Variants in ATF6 observed in about 807,000 individuals in gnomAD.
ATF6 encodes cyclic AMP-dependent transcription factor ATF-6 alpha.
In ATF6, 53 loss-of-function variants were observed where a neutral mutation model predicts 83.6. That is an observed-to-expected ratio of 0.63 (90% CI 0.51 to 0.80). The LOEUF is 0.80. ATF6 is among the 30% of genes least tolerant of loss of function. The probability of loss-of-function intolerance (pLI) is 0.00; values close to 1 mark genes in which losing one functional copy is unlikely to be tolerated. For synonymous variants in ATF6, 288 were observed against 285.8 expected (o/e 1.01, Z -0.08); for missense variants, 744 against 797.9 (o/e 0.93, Z 0.81).
At position 161,802,657 on chromosome 1, in the gene ATF6, A is replaced by G. The variant is rs149962311; in HGVS notation, c.909+385A>G. On this transcript the variant is annotated intron_variant, in intron 7 of 15. Transcript: ENST00000367942. The stretch of plus-strand genomic sequence containing the variant: ...AATGTTTTAGCGATCTTCAGATAAG[A>G]GTCTATAGATTACTTTTTAGGTAGG... Among the ~76,000 whole-genome samples, 12 of 152,120 alleles carry G rather than the reference A, an allele frequency of 7.9e-5. No individual in the cohort carries two copies. In the East Asian group the frequency reaches 1.7e-3, roughly 22 times the overall value.
intron 6 of ATF6, among the ~76,000 whole-genome samples, chr1:161,794,000 G>A (rs1362423639): frequency 2.0e-5 from 3 of 152,092 alleles, no homozygotes; most frequent in Non-Finnish European, 2.9e-5. Flanking sequence ...TCCACCTCCT[G>A]GGTTCAAGTG....
At chr1:161,788,595 G>T (rs540920974) in intron 4 of ATF6, among the ~76,000 whole-genome samples, 38 of 150,612 alleles carry the variant, frequency 2.5e-4, no homozygotes, top group African/African-American at 7.1e-4. Context: ...TTCCTTTATG[G>T]CTTATTTAAG....
chr1:161,912,700 G>T (rs2101889017), intron 15 of ATF6, among the ~76,000 whole-genome samples: 1 of 152,256 alleles, frequency 6.6e-6, no homozygotes, highest in South Asian at 2.1e-4. Context: ...TGTTCTGACA[G>T]TGAATTTGTA....
At chr1:161,901,922 C>G (rs1176794568) in intron 14 of ATF6, among the ~76,000 whole-genome samples, 2 of 152,114 alleles carry the variant, frequency 1.3e-5, no homozygotes, top group Non-Finnish European at 2.9e-5. Context: ...TACTGGTTCA[C>G]TAAGAGTTAG....
chr1:161,844,173 CA>C (rs1686423700), intron 9 of ATF6, among the ~76,000 whole-genome samples: 1 of 152,150 alleles, frequency 6.6e-6, no homozygotes, highest in African/African-American at 2.4e-5. Flanking sequence ...CTGTAGTGGT[CA>C]TACTACCTAA....
intron 15 of ATF6, among the ~76,000 whole-genome samples, chr1:161,922,768 G>A (rs1305017877): frequency 6.6e-6 from 1 of 152,202 alleles, no homozygotes; most frequent in African/African-American, 2.4e-5. Context: ...CAGAAGACCA[G>A]TAAGGCTAGA....
Position 161,846,587 on chromosome 1 carries a change from T to C in ATF6, c.1319+7T>C. The C allele has an allele frequency of 1.3e-6, 2 of 1,597,212 alleles. No homozygotes were observed. The highest frequency in any genetic ancestry group is 1.3e-5 in the African/African-American group (1 of 74,238). On this transcript the variant is annotated splice_region_variant and intron_variant, in intron 10 of 15. Coordinates refer to ENST00000367942, the MANE Select transcript of ATF6 (RefSeq NM_007348.4). ...TCCAGAAAAACAGCTACAGGTAAGATGGCATGCATCTATCTTTTGGCCTAA... is the reference window on the plus strand; with the variant it reads ...TCCAGAAAAACAGCTACAGGTAAGACGGCATGCATCTATCTTTTGGCCTAA...
At chr1:161,827,558 A>G (rs12403862) in intron 9 of ATF6, among the ~76,000 whole-genome samples, 14,703 of 152,222 alleles carry the variant, frequency 0.097, 1,269 homozygotes, top group East Asian at 0.31. Context: ...CTCTTTTAGA[A>G]CAGATCACAT....
chr1:161,876,435 G>A (rs1226568363), intron 14 of ATF6, among the ~76,000 whole-genome samples: 1 of 151,924 alleles, frequency 6.6e-6, no homozygotes, highest in African/African-American at 2.4e-5. Context: ...CACTTTTTCA[G>A]TCATTGCATT....
In ATF6 at chr1:161,863,179, T is replaced by C; in HGVS notation, c.1605-19T>C. On this transcript the variant is annotated intron_variant, in intron 13 of 15. Transcript: ENST00000367942. ...GAAACTTTTTATTTTAGTAATACCT[T>C]ATATTTTTCTTACTTTAGCAGGAAC... 7.0e-7 allele frequency: 1 copy of C among 1,429,070 alleles called. No homozygotes were observed. Among genetic ancestry groups the C allele is most frequent in the South Asian group, 1.2e-5 (1 of 82,794 alleles). The allele number at this position is 1,429,070 out of a possible 1,614,324, so 88.5% of individuals were successfully genotyped here.
At chr1:161,898,809 A>C (rs1312726318) in intron 14 of ATF6, among the ~76,000 whole-genome samples, 1 of 152,154 alleles carries the variant, frequency 6.6e-6, no homozygotes, top group African/African-American at 2.4e-5. Context: ...CGGCCTCCCA[A>C]GGTGCTGGGA....
chr1:161,828,219 C>T (rs551882985), intron 9 of ATF6, among the ~76,000 whole-genome samples: 1 of 151,710 alleles, frequency 6.6e-6, no homozygotes, highest in South Asian at 2.1e-4. Context: ...GGAACCTTAA[C>T]CTTTTGTTTT....
chr1:161,817,313 A>G (rs1054223648), intron 7 of ATF6, among the ~76,000 whole-genome samples: 5 of 152,174 alleles, frequency 3.3e-5, no homozygotes, highest in African/African-American at 4.8e-5. Context: ...TCCATCTGGG[A>G]ACTTTCACTT....
intron 15 of ATF6, among the ~76,000 whole-genome samples, chr1:161,947,413 C>T (rs1688769196): frequency 6.6e-6 from 1 of 152,142 alleles, no homozygotes; most frequent in Non-Finnish European, 1.5e-5. Context: ...TAAACTTTAG[C>T]CGGATTCTTG....
intron 15 of ATF6, among the ~76,000 whole-genome samples, chr1:161,957,878 AC>A (rs1299933790): frequency 6.6e-6 from 1 of 152,176 alleles, no homozygotes; most frequent in African/African-American, 2.4e-5. Flanking sequence ...GTCAGTTTTC[AC>A]TGTACCTCAC....
intron 15 of ATF6, among the ~76,000 whole-genome samples, chr1:161,937,746 G>C (rs1470044833): frequency 6.6e-6 from 1 of 151,906 alleles, no homozygotes; most frequent in Non-Finnish European, 1.5e-5. Context: ...TTCGGGGGGT[G>C]GGGGACAAGG....
chr1:161,799,761 G>GT (rs1168051980), intron 6 of ATF6, among the ~76,000 whole-genome samples: 1 of 152,086 alleles, frequency 6.6e-6, no homozygotes, highest in Non-Finnish European at 1.5e-5. Context: ...CTTTCAGTGT[G>GT]TTTTTTGAGG....
chr1:161,812,967 C>G (rs566468710), intron 7 of ATF6, among the ~76,000 whole-genome samples: 122 of 152,198 alleles, frequency 8.0e-4, no homozygotes, highest in African/African-American at 2.7e-3. Context: ...AACTGGTCTT[C>G]TCCTAATCCA....
intron 14 of ATF6, among the ~76,000 whole-genome samples, chr1:161,864,409 C>T (rs757183158): frequency 2.4e-4 from 37 of 152,098 alleles, no homozygotes; most frequent in Admixed American, 9.2e-4. Flanking sequence ...AACCAGTCCT[C>T]CACATATACA....
Sources: gnomAD v4.1 joint callset for allele counts (sites outside exome capture counted in the v4.1 genomes callset) on GRCh38, gnomAD v4.1.1 for gene constraint, MANE v1.5 for transcripts, NCBI Gene and HGNC (gene_info 2026-07-23, HGNC 2026-07-21) for gene names.